ZNF142: variants seen among roughly 807,000 people sequenced by gnomAD.
The protein encoded by ZNF142 is zinc finger protein 142.
A neutral mutation model predicts 132.1 loss-of-function variants in ZNF142; 96 were observed. The ratio of observed to expected loss-of-function variants is 0.73; its 90% CI spans 0.62 to 0.86. The LOEUF is 0.86. ZNF142 is among the 40% of genes least tolerant of loss of function. ZNF142 has a pLI of 0.00. For synonymous variants in ZNF142, 842 were observed against 890.1 expected, an observed-to-expected ratio of 0.95 and a Z score of 0.96; for missense variants, 2,163 against 2,336.2, an observed-to-expected ratio of 0.93 and a Z score of 1.53.
At chr2:218,650,314 A>G in intron 6 of ZNF142, 45 bp downstream of exon 6, 1 of 1,612,478 alleles carries the variant, frequency 6.2e-7, no homozygotes, top group Non-Finnish European at 8.5e-7. Context: ...TCAACAATCC[A>G]TTCTTCCCCA....
rs771605031 is a variant in ZNF142 at position 218,649,419 on chromosome 2, A to G, written c.1089T>C (p.His363=). 9.9e-6 allele frequency: 16 copies of G among 1,611,582 alleles called. No homozygotes were observed. The highest frequency in any genetic ancestry group is 1.3e-5 in the Non-Finnish European group (15 of 1,178,778). The part of the protein sequence containing the change: ...VSGTESLFKT[H]MCPECKRCFK... The stretch of plus-strand genomic sequence containing the variant: ...AGCAGCGCTTACACTCTGGACACAT[A>G]TGGGTCTTGAAGAGGGACTCGGTGC... Residue 363 remains histidine, a synonymous_variant, in exon 7 of 11, where the codon CAT becomes CAC. Transcript: ENST00000411696.
chr2:218,642,846 CTG>C lies in ZNF142; in HGVS notation c.4268_4269del (p.Thr1423ArgfsTer29), dbSNP rs1416686836. On this transcript the variant is annotated frameshift_variant, in exon 9 of 11. Transcript: ENST00000411696. LOFTEE classifies it high-confidence loss of function. The surrounding 1 kb of genome is among the most constrained non-coding windows in gnomAD (Gnocchi z 4.6). Reference protein sequence around the residue: ...YRLEAHQSRHTGIGRIPCSSC... With the variant: ...YRLEAHQSRHXGIGRIPCSSC... ...GAGCTGCAGGGGATGCGGCCAATGCCTGTGTGTCGGGACTGGTGAGCCTCTAA... is the reference window on the plus strand; with the variant it reads ...GAGCTGCAGGGGATGCGGCCAATGCCTGTGTCGGGACTGGTGAGCCTCTAA... 1.9e-6 allele frequency: 3 copies of C among 1,614,056 alleles called. No individual in the cohort carries two copies. The highest frequency in any genetic ancestry group is 1.7e-6 in the Non-Finnish European group (2 of 1,180,046).
In ZNF142 at chr2:218,634,148, G is replaced by A; in HGVS notation, c.*4191C>T. On this transcript the variant is annotated 3_prime_UTR_variant, in exon 11 of 11. Transcript: ENST00000411696. This position sits in a 1 kb window ranked among gnomAD's most constrained non-coding sequence, Gnocchi z 4.0. ...ACAATACTTGGCAGTTAAGCCGTGTGTATCCCAGCGGCCTGAGGACAGACT... is the reference window on the plus strand; with the variant it reads ...ACAATACTTGGCAGTTAAGCCGTGTATATCCCAGCGGCCTGAGGACAGACT... 6.2e-7 allele frequency: 1 copy of A among 1,612,748 alleles called. No individual in the cohort carries two copies. Among genetic ancestry groups the A allele is most frequent in the East Asian group, 2.2e-5 (1 of 44,860 alleles).
rs558690753 is a variant in ZNF142 at position 218,657,098 on chromosome 2, G to T, written c.-34-635C>A. 3.3e-5 allele frequency among the ~76,000 whole-genome samples: 5 copies of T among 152,194 alleles called. No individual in the cohort carries two copies. In the South Asian group the frequency reaches 1.0e-3, roughly 32 times the overall value. ...CTCCCAAAGTGCTGGGATTATAGGC[G>T]TGAGCCACCTTGCCTGGTCCCTTTC... On this transcript the variant is annotated intron_variant, in intron 3 of 10. Transcript: ENST00000411696.
Position 218,643,657 on chromosome 2 carries a change from T to C in ZNF142, c.3459A>G (p.Glu1153=), listed in dbSNP as rs1697460232. 1 of 1,549,354 alleles carries C rather than the reference T, an allele frequency of 6.5e-7. No homozygotes were observed. Among genetic ancestry groups the C allele is most frequent in the Admixed American group, 2.1e-5 (1 of 48,586 alleles). ...LELPREPEET[E]EPLATVSGSP... ...AACCAGAGACTGTGGCAAGAGGCTC[T>C]TCTGTTTCTTCTGGCTCCCTGGGAA... Residue 1153 remains glutamate (E), a synonymous_variant, in exon 9 of 11, where the codon GAA becomes GAG. Transcript: ENST00000411696.
In ZNF142 at chr2:218,644,700, G is replaced by A. The variant is rs1259205156; in HGVS notation, c.2416C>T (p.Gln806Ter). ...HGYVPGDQAW[Q>*]LRYASQEPEG... ...GGCTCCTGGCTTGCATAGCGGAGCT[G>A]CCAGGCCTGGTCTCCAGGTACATAG... Residue 806 changes from glutamine to a stop codon, truncating the protein, a stop_gained, in exon 9 of 11, where the codon CAG becomes TAG. Coordinates refer to ENST00000411696, the MANE Select transcript of ZNF142 (RefSeq NM_001379659.1). LOFTEE classifies it high-confidence loss of function. The surrounding 1 kb of genome is among the most constrained non-coding windows in gnomAD (Gnocchi z 4.6). 1 of 1,614,230 alleles carries A rather than the reference G, an allele frequency of 6.2e-7. No homozygotes were observed. Among genetic ancestry groups the A allele is most frequent in the Non-Finnish European group, 8.5e-7 (1 of 1,180,038 alleles).
chr2:218,655,468 C>T (rs951513755), intron 4 of ZNF142, among the ~76,000 whole-genome samples: 5 of 152,090 alleles, frequency 3.3e-5, no homozygotes, highest in Admixed American at 2.0e-4. Context: ...TCAACTCCTA[C>T]TTTTTTGTTT....
chr2:218,633,707 T>G lies in ZNF142; in HGVS notation c.*4632A>C. 6.2e-7 allele frequency: 1 copy of G among 1,613,978 alleles called. No homozygotes were observed. The highest frequency in any genetic ancestry group is 8.5e-7 in the Non-Finnish European group (1 of 1,179,882). On this transcript the variant is annotated 3_prime_UTR_variant, in exon 11 of 11. Transcript: ENST00000411696. ...ACATTCAAAGGAGCACTACCACTTC[T>G]ACGAGATATCATCTTTCTCTGAAAC...
chr2:218,657,245 T>C (rs1938599396), intron 3 of ZNF142, among the ~76,000 whole-genome samples: 1 of 152,120 alleles, frequency 6.6e-6, no homozygotes, highest in South Asian at 2.1e-4. Flanking sequence ...TCAGCAGATC[T>C]CTGAACCAGA....
rs771788935 is a variant in ZNF142, at chr2:218,648,816, C to A, written c.1692G>T (p.Gln564His). 14 of 1,614,178 alleles carry A rather than the reference C, an allele frequency of 8.7e-6. No individual in the cohort carries two copies. Among genetic ancestry groups the A allele is most frequent in the Admixed American group, 1.7e-5 (1 of 60,024 alleles). Residue 564 changes from glutamine to histidine, a missense_variant, in exon 7 of 11, where the codon CAG (glutamine) becomes CAT (histidine). Physicochemically the swap from Gln to His is conservative, Grantham distance 24. This residue lies in a region of ZNF142 where 749 missense variants were observed against 830.3 expected (regional missense o/e 0.90). Transcript: ENST00000411696. ...GCAGCTCTTCACTGCCAGGGTGGCC[C>A]TGCTTCTTGTGTTTACGGAATAGGT... ...NKHLFRKHKK[Q>H]GHPGSEELRC...
rs200776065 is a variant in ZNF142, at chr2:218,650,368, G to C, written c.1039C>G (p.Arg347Gly). 1 of 1,614,174 alleles carries C rather than the reference G, an allele frequency of 6.2e-7. No individual in the cohort carries two copies. The highest frequency in any genetic ancestry group is 1.3e-5 in the African/African-American group (1 of 75,040). ...CTCAGAATGTCATTACCTTCCAGCC[G>C]CTGAGCCCCTTGGCCTTTATCCACA... ...KAVDKGQGAQRLEGDVVSGTE... is the reference protein window; with the variant it reads ...KAVDKGQGAQGLEGDVVSGTE... Residue 347 changes from arginine to glycine, a missense_variant, in exon 6 of 11, where the codon CGG becomes GGG. This residue lies in a region of ZNF142 where 749 missense variants were observed against 830.3 expected (regional missense o/e 0.90). Transcript: ENST00000411696.
At position 218,649,304 on chromosome 2, in the gene ZNF142, T is replaced by C; in HGVS notation, c.1204A>G (p.Ser402Gly). ...QCPNCQKFFT[S>G]KSKLKTHLLR... ...AGATGGGTCTTGAGCTTGCTCTTAC[T>C]GGTGAAGAACTTCTGGCAGTTAGGG... The change falls in exon 7 of 11, where the codon AGT (serine) becomes GGT (glycine). Residue 402 changes from serine (S) to glycine (G), a missense_variant. Coordinates refer to ENST00000411696, the MANE Select transcript of ZNF142 (RefSeq NM_001379659.1). 6.2e-7 allele frequency: 1 copy of C among 1,614,248 alleles called. No individual in the cohort carries two copies. The highest frequency in any genetic ancestry group is 8.5e-7 in the Non-Finnish European group (1 of 1,180,044).
chr2:218,655,362 C>T (rs747148830), intron 4 of ZNF142, among the ~76,000 whole-genome samples: 5 of 151,926 alleles, frequency 3.3e-5, no homozygotes, highest in Non-Finnish European at 5.9e-5. Context: ...GGCTGGAGGA[C>T]GGTAATTAAA....
chr2:218,640,061 C>CAAAAAAAAAAAAAA (rs35136548), intron 10 of ZNF142, among the ~76,000 whole-genome samples: 1 of 44,332 alleles, frequency 2.3e-5, no homozygotes, highest in African/African-American at 1.0e-4. Context: ...GACTCTGTCT[C>CAAAAAAAAAAAAAA]AAAAAAAAAA....
intron 9 of ZNF142, among the ~76,000 whole-genome samples, chr2:218,641,439 TTTCACAG>T (rs1697185053): frequency 6.6e-6 from 1 of 151,412 alleles, no homozygotes; most frequent in Non-Finnish European, 1.5e-5. Flanking sequence ...AGAGACGGGG[TTTCACAG>T]TGTTAGCCAG....
chr2:218,648,743 C>G lies in ZNF142; in HGVS notation c.1765G>C (p.Asp589His). 6.2e-7 allele frequency: 1 copy of G among 1,614,212 alleles called. No individual in the cohort carries two copies. The highest frequency in any genetic ancestry group is 8.5e-7 in the Non-Finnish European group (1 of 1,180,034). Residue 589 changes from aspartate to histidine, a missense_variant, in exon 7 of 11, where the codon GAT becomes CAT. Physicochemically the swap from Asp to His is moderately conservative, Grantham distance 81. Transcript: ENST00000411696. ...FATFNPVAYQ[D>H]HVGKMHAHEK... Reference sequence around the variant, plus strand: ...TGAGCATGCATCTTGCCTACATGATCCTGGTAAGCCACTGGGTTGAAGGTG... The same window carrying G: ...TGAGCATGCATCTTGCCTACATGATGCTGGTAAGCCACTGGGTTGAAGGTG...
intron 5 of ZNF142, 92 bp downstream of exon 5, chr2:218,651,609 T>G: frequency 8.4e-7 from 1 of 1,185,330 alleles, no homozygotes; most frequent in African/African-American, 1.6e-5. Context: ...TATATTCATG[T>G]ACATTCATGG....
chr2:218,657,801 C>T (rs182398374), intron 3 of ZNF142, among the ~76,000 whole-genome samples: 6 of 152,340 alleles, frequency 3.9e-5, no homozygotes, highest in Admixed American at 2.0e-4. Context: ...CTATCAGAAA[C>T]GAGGTCACAC....
chr2:218,644,287 T>C lies in ZNF142; in HGVS notation c.2829A>G (p.Glu943=). 3 of 1,614,100 alleles carry C rather than the reference T, an allele frequency of 1.9e-6. No individual in the cohort carries two copies. Among genetic ancestry groups the C allele is most frequent in the Non-Finnish European group, 2.5e-6 (3 of 1,180,002 alleles). ...GLEGPELSSF[E]GIGTSDLSAE... ...CACTCAAGTCAGAAGTCCCAATACC[T>C]TCAAAGCTAGATAGCTCTGGTCCTT... Residue 943 remains glutamate (E), a synonymous_variant, in exon 9 of 11, where the codon GAA becomes GAG. Transcript: ENST00000411696. The surrounding 1 kb of genome is among the most constrained non-coding windows in gnomAD (Gnocchi z 4.6).
Sources: allele counts gnomAD v4.1 joint callset (sites outside exome capture counted in the v4.1 genomes callset), GRCh38; gene constraint gnomAD v4.1.1; regional missense constraint gnomAD v4.1.1; non-coding constraint Gnocchi (gnomAD v3.1); transcripts MANE v1.5; gene names NCBI Gene and HGNC (gene_info 2026-07-23, HGNC 2026-07-21).